KMT5A: variants seen among roughly 807,000 people sequenced by gnomAD.
The protein encoded by KMT5A is N-lysine methyltransferase KMT5A.
A neutral mutation model predicts 40.6 loss-of-function variants in KMT5A; 6 were observed. That is an observed-to-expected ratio of 0.15 (90% CI 0.08 to 0.29). KMT5A has a LOEUF of 0.29. Among genes scored for constraint, KMT5A ranks in the 10% least tolerant of loss-of-function variants. The pLI is 1.00. For synonymous variants in KMT5A, 153 were observed against 178.8 expected, an observed-to-expected ratio of 0.86 and a Z score of 1.15; for missense variants, 308 against 459.1, an observed-to-expected ratio of 0.67 and a Z score of 3.01.
At chr12:123,403,724 T>C in intron 6 of KMT5A, 92 bp downstream of exon 6, 1 of 1,439,312 alleles carries the variant, frequency 6.9e-7, no homozygotes, top group Non-Finnish European at 9.8e-7. Context: ...CCATGTGGCT[T>C]TCACCCTCTA....
intron 7 of KMT5A, 54 bp downstream of exon 7, chr12:123,405,128 G>A (rs1878440014): frequency 6.7e-7 from 1 of 1,488,488 alleles, no homozygotes; most frequent in Admixed American, 2.4e-5. Flanking sequence ...AGTGAGGAGA[G>A]GCCAAAGGGC....
chr12:123,405,768 T>A (rs1237464424), intron 7 of KMT5A, among the ~76,000 whole-genome samples: 1 of 151,890 alleles, frequency 6.6e-6, no homozygotes, highest in African/African-American at 2.4e-5. Flanking sequence ...TGCCTTAGCC[T>A]CCCAAAGTTC....
intron 2 of KMT5A, among the ~76,000 whole-genome samples, chr12:123,389,878 G>A (rs1474419403): frequency 6.6e-6 from 1 of 152,100 alleles, no homozygotes; most frequent in Non-Finnish European, 1.5e-5. Flanking sequence ...TGGTCCCCGA[G>A]GCGGCGAGGG....
At chr12:123,395,024 C>CT (rs1375970170) in intron 3 of KMT5A, 23 bp from the exon 4 acceptor site, 1 of 1,545,914 alleles carries the variant, frequency 6.5e-7, no homozygotes, top group South Asian at 1.2e-5. Flanking sequence ...ATAAACCCGT[C>CT]TTTCCCCCAC....
In KMT5A at chr12:123,408,578, TTTTTTTTTGC is replaced by T. The variant is rs1429692814; in HGVS notation, c.*891_*900del. The T allele has an allele frequency of 6.1e-5, 9 of 146,798 alleles. No homozygotes were observed. Among genetic ancestry groups the T allele is most frequent in the Non-Finnish European group, 7.6e-5 (5 of 66,008 alleles). 9.1% of individuals were successfully genotyped at this position (146,798 alleles called of 1,614,324 possible). A position where few individuals can be genotyped will look rare whatever the true frequency, so the allele number is the denominator to read the frequency against. On this transcript the variant is annotated 3_prime_UTR_variant, in exon 8 of 8. Transcript: ENST00000402868. ...AGTGAAGTGGCTGCTTTTTTTTTTTTTTTTTTTTGCTTTTTTTTGCTTTTTGTAGAAGAGA... is the reference window on the plus strand; with the variant it reads ...AGTGAAGTGGCTGCTTTTTTTTTTTTTTTTTTTTGCTTTTTGTAGAAGAGA...
intron 5 of KMT5A, among the ~76,000 whole-genome samples, chr12:123,397,266 G>A (rs1877800410): frequency 6.6e-6 from 1 of 152,230 alleles, no homozygotes; most frequent in South Asian, 2.1e-4. Context: ...GAAACGCAGG[G>A]CATGGCAGGT....
intron 5 of KMT5A, among the ~76,000 whole-genome samples, chr12:123,397,846 T>C (rs916827022): frequency 1.3e-5 from 2 of 151,952 alleles, no homozygotes; most frequent in Admixed American, 1.3e-4. Flanking sequence ...TTGTATTTTT[T>C]TTTTTTAGTG....
At chr12:123,401,630 G>A (rs990770883) in intron 5 of KMT5A, among the ~76,000 whole-genome samples, 1 of 151,848 alleles carries the variant, frequency 6.6e-6, no homozygotes. Context: ...CTCCCAGGCT[G>A]GAGTGCAGTG....
chr12:123,393,464 C>T (rs1877459361), intron 3 of KMT5A, among the ~76,000 whole-genome samples: 1 of 152,140 alleles, frequency 6.6e-6, no homozygotes, highest in African/African-American at 2.4e-5. Flanking sequence ...AATACATAGC[C>T]TTTTGTGTCT....
intron 5 of KMT5A, among the ~76,000 whole-genome samples, chr12:123,402,185 TTTACA>T (rs1328304571): frequency 4.6e-5 from 7 of 152,324 alleles, no homozygotes; most frequent in Non-Finnish European, 1.0e-4. Flanking sequence ...CCTGGCCTCA[TTTACA>T]TTTTAAAAGA....
chr12:123,405,198 T>A (rs1878445439), intron 7 of KMT5A, 124 bp downstream of exon 7: 1 of 1,021,918 alleles, frequency 9.8e-7, no homozygotes, highest in African/African-American at 1.6e-5. Flanking sequence ...TTGACTTTTT[T>A]TTTTTTATTT....
chr12:123,385,483 G>T (rs975844756), intron 1 of KMT5A, among the ~76,000 whole-genome samples: 1 of 152,092 alleles, frequency 6.6e-6, no homozygotes. Flanking sequence ...TAAACTACTT[G>T]TTTTAAAAGT....
intron 6 of KMT5A, 122 bp from the exon 7 acceptor site, chr12:123,404,762 T>G (rs963713502): frequency 4.2e-6 from 4 of 947,278 alleles, no homozygotes; most frequent in African/African-American, 1.7e-5. Flanking sequence ...GTGAGTGAAT[T>G]TTATGACATG....
At chr12:123,390,414 G>A (rs1223861121) in intron 2 of KMT5A, among the ~76,000 whole-genome samples, 4 of 152,176 alleles carry the variant, frequency 2.6e-5, no homozygotes, top group African/African-American at 9.7e-5. Context: ...TCCCCTTAGT[G>A]ATTTAGAGAC....
rs1183952074 is a variant in KMT5A at position 123,409,051 on chromosome 12, C to T, written c.*1348C>T. 6.6e-6 allele frequency: 1 copy of T among 152,632 alleles called. No individual in the cohort carries two copies. The highest frequency in any genetic ancestry group is 1.5e-5 in the Non-Finnish European group (1 of 68,036). 9.5% of individuals were successfully genotyped at this position (152,632 alleles called of 1,614,324 possible). The stretch of plus-strand genomic sequence containing the variant: ...GCCATGACCTGGTGTCTCCTGCCCA[C>T]CCTGGTCCCAGGTAAATGTGAATGG... On this transcript the variant is annotated 3_prime_UTR_variant, in exon 8 of 8. Transcript: ENST00000402868.
intron 1 of KMT5A, chr12:123,388,881 C>T (rs891344965): frequency 2.7e-5 from 4 of 147,788 alleles, no homozygotes; most frequent in African/African-American, 4.9e-5. Flanking sequence ...CGCCCGCCCT[C>T]CGGAGCGGCC....
chr12:123,401,771 G>A (rs1372869259), intron 5 of KMT5A, among the ~76,000 whole-genome samples: 2 of 151,890 alleles, frequency 1.3e-5, no homozygotes, highest in Non-Finnish European at 2.9e-5. Flanking sequence ...TAGTAGAGAC[G>A]GGGTTTCGCC....
chr12:123,398,281 C>CAA (rs796830823), intron 5 of KMT5A, among the ~76,000 whole-genome samples: 13 of 134,624 alleles, frequency 9.7e-5, no homozygotes, highest in African/African-American at 3.5e-4. Flanking sequence ...GACTCCGTCT[C>CAA]AAAAAAAAAA....
intron 5 of KMT5A, among the ~76,000 whole-genome samples, chr12:123,398,873 G>C (rs1877942595): frequency 6.6e-6 from 1 of 152,258 alleles, no homozygotes; most frequent in South Asian, 2.1e-4. Flanking sequence ...AATACAGCCT[G>C]TTGTTGGCCA....
Sources: allele counts gnomAD v4.1 joint callset (sites outside exome capture counted in the v4.1 genomes callset), GRCh38; gene constraint gnomAD v4.1.1; transcripts MANE v1.5; gene names NCBI Gene and HGNC (gene_info 2026-07-23, HGNC 2026-07-21).